Variants in MECOM observed in about 807,000 individuals in gnomAD.
The protein encoded by MECOM is MDS1 and EVI1 complex locus, also known as histone-lysine N-methyltransferase MECOM.
In MECOM, 13 loss-of-function variants were observed where a neutral mutation model predicts 116.3. The ratio of observed to expected loss-of-function variants is 0.11; its 90% CI spans 0.07 to 0.18. MECOM has a LOEUF of 0.18. MECOM is among the 10% of genes least tolerant of loss of function. The probability of loss-of-function intolerance (pLI) is 1.00; values close to 1 mark genes in which losing one functional copy is unlikely to be tolerated. For synonymous variants in MECOM, 528 were observed against 535.2 expected, an observed-to-expected ratio of 0.99 and a Z score of 0.19; for missense variants, 1,299 against 1,509.0, an observed-to-expected ratio of 0.86 and a Z score of 2.31.
At chr3:169,356,697 C>T (rs1727341224) in intron 2 of MECOM, among the ~76,000 whole-genome samples, 1 of 151,914 alleles carries the variant, frequency 6.6e-6, no homozygotes, top group Non-Finnish European at 1.5e-5. Context: ...AATCTGCAAG[C>T]AAGGTAGTGG....
intron 1 of MECOM, among the ~76,000 whole-genome samples, chr3:169,502,140 T>C (rs1754618888): frequency 6.6e-6 from 1 of 152,124 alleles, no homozygotes; most frequent in African/African-American, 2.4e-5. Flanking sequence ...TGCTCTGATT[T>C]CCTTTTGAAT....
rs1193447901 is a variant in MECOM, at chr3:169,622,888, T to A, written c.37+40448A>T. On this transcript the variant is annotated intron_variant, in intron 1 of 16. Transcript: ENST00000651503. ...AAAGACAGGTAATTCATTAAAAAAA[T>A]AAAATAAATTCCACCTCACAATCTT... Among the ~76,000 whole-genome samples, 4 of 152,228 alleles carry A rather than the reference T, an allele frequency of 2.6e-5. No individual in the cohort carries two copies. In the South Asian group the frequency reaches 6.2e-4, roughly 24 times the overall value.
At chr3:169,364,703 G>A (rs1344362782) in intron 2 of MECOM, among the ~76,000 whole-genome samples, 1 of 151,994 alleles carries the variant, frequency 6.6e-6, no homozygotes, top group Non-Finnish European at 1.5e-5. Flanking sequence ...TTCATCACCT[G>A]CCTTTCCAGA....
At chr3:169,120,915 C>G (rs887667059) in intron 7 of MECOM, 141 bp downstream of exon 7, 2 of 720,322 alleles carry the variant, frequency 2.8e-6, no homozygotes, top group Non-Finnish European at 2.1e-6. Flanking sequence ...TACTTGTAAT[C>G]ATAAATAGCC....
chr3:169,484,063 G>T, intron 1 of MECOM: 2 of 1,049,356 alleles, frequency 1.9e-6, no homozygotes, highest in Non-Finnish European at 2.9e-6. Context: ...ACAACCTATA[G>T]CTACCAGGCA....
chr3:169,576,904 A>G (rs1017539378), intron 1 of MECOM, among the ~76,000 whole-genome samples: 1 of 151,864 alleles, frequency 6.6e-6, no homozygotes, highest in Admixed American at 6.6e-5. Context: ...TGGAGTTAAT[A>G]TAATATCAAA....
chr3:169,348,354 T>C (rs1725732803), intron 2 of MECOM, among the ~76,000 whole-genome samples: 1 of 152,078 alleles, frequency 6.6e-6, no homozygotes, highest in African/African-American at 2.4e-5. Context: ...CATAATCCTG[T>C]AACACCTACT....
chr3:169,140,101 G>A (rs1215049399), intron 3 of MECOM, among the ~76,000 whole-genome samples: 2 of 151,636 alleles, frequency 1.3e-5, no homozygotes, highest in Admixed American at 6.6e-5. Context: ...GTCCTCTTGA[G>A]GACCTAGTCT....
At chr3:169,322,942 G>GTGAGC (rs377605331) in intron 2 of MECOM, among the ~76,000 whole-genome samples, 49 of 137,574 alleles carry the variant, frequency 3.6e-4, no homozygotes, top group African/African-American at 1.3e-3. Context: ...AGAGTTTGCA[G>GTGAGC]TGAGCTGAGA....
intron 1 of MECOM, among the ~76,000 whole-genome samples, chr3:169,606,746 T>C (rs1486949284): frequency 6.6e-6 from 1 of 152,174 alleles, no homozygotes. Context: ...TTCTCCTCCA[T>C]ATGGTCAGAG....
rs34667128 is a variant in MECOM, at chr3:169,549,404, G to GA, written c.37+113931dup. On this transcript the variant is annotated intron_variant, in intron 1 of 16. Transcript: ENST00000651503. ...AAGAGAGAGTTTCACTGTAAGTAAAGAAAAAAAAAAAAAAGCTTTCTGGAC... is the reference window on the plus strand; with the variant it reads ...AAGAGAGAGTTTCACTGTAAGTAAAGAAAAAAAAAAAAAAAGCTTTCTGGAC... 1.7e-3 allele frequency among the ~76,000 whole-genome samples: 219 copies of GA among 126,256 alleles called. 1 individual carries two copies. Among genetic ancestry groups the GA allele is most frequent in the African/African-American group, 2.0e-3 (66 of 33,166 alleles). The allele number at this position is 126,256 out of a possible 152,430, so 82.8% of individuals were successfully genotyped here.
At chr3:169,519,317 CTT>C (rs1757071575) in intron 1 of MECOM, among the ~76,000 whole-genome samples, 1 of 152,162 alleles carries the variant, frequency 6.6e-6, no homozygotes, top group African/African-American at 2.4e-5. Context: ...TAATGTGAGA[CTT>C]TGTGAAGACC....
chr3:169,604,221 A>ATCTC (rs148922198), intron 1 of MECOM, among the ~76,000 whole-genome samples: 5 of 146,628 alleles, frequency 3.4e-5, no homozygotes, highest in Admixed American at 6.8e-5. Flanking sequence ...AGAGAGAGAA[A>ATCTC]TCTCTCTCTC....
chr3:169,104,799 T>C (rs574084109), intron 10 of MECOM, among the ~76,000 whole-genome samples: 76 of 152,342 alleles, frequency 5.0e-4, no homozygotes, highest in Non-Finnish European at 8.8e-4. Context: ...TGTCTTGCTT[T>C]AGTAGCTGCT....
At chr3:169,194,035 T>G (rs1329102072) in intron 2 of MECOM, among the ~76,000 whole-genome samples, 1 of 151,996 alleles carries the variant, frequency 6.6e-6, no homozygotes, top group Non-Finnish European at 1.5e-5. Flanking sequence ...TAAGTAAAAT[T>G]TAATGAAAAT....
At chr3:169,656,584 C>A (rs1775572285) in intron 1 of MECOM, among the ~76,000 whole-genome samples, 1 of 152,128 alleles carries the variant, frequency 6.6e-6, no homozygotes, top group South Asian at 2.1e-4. Flanking sequence ...AACACTCCCC[C>A]ATTTTAATCA....
At chr3:169,404,694 C>T (rs1437923739) in intron 1 of MECOM, among the ~76,000 whole-genome samples, 1 of 152,174 alleles carries the variant, frequency 6.6e-6, no homozygotes, top group East Asian at 1.9e-4. Context: ...CAGAGAGCGC[C>T]ACGCAGAGAA....
chr3:169,515,178 C>T (rs1226268160), intron 1 of MECOM, among the ~76,000 whole-genome samples: 4 of 152,082 alleles, frequency 2.6e-5, no homozygotes, highest in Non-Finnish European at 5.9e-5. Flanking sequence ...GTCCTGCTTG[C>T]AGGTAGAGAG....
At chr3:169,146,623 G>A (rs1740033372) in intron 2 of MECOM, 4 of 1,368,704 alleles carry the variant, frequency 2.9e-6, no homozygotes, top group East Asian at 3.9e-5. Flanking sequence ...GGGGGCGGGG[G>A]GCGCCCGTAG....
Sources: allele counts gnomAD v4.1 joint callset (sites outside exome capture counted in the v4.1 genomes callset), GRCh38; gene constraint gnomAD v4.1.1; transcripts MANE v1.5; gene names NCBI Gene and HGNC (gene_info 2026-07-23, HGNC 2026-07-21).